Variants in RPH3AL observed in about 807,000 individuals in gnomAD.
The protein encoded by RPH3AL is rabphilin 3A like (without C2 domains).
In RPH3AL, 38 loss-of-function variants were observed where a neutral mutation model predicts 43.1. The observed-to-expected ratio is 0.88, with a 90% confidence interval of 0.68 to 1.15. The LOEUF is 1.15. RPH3AL is among the 50% of genes most tolerant of loss of function. The pLI is 0.00. For missense variants in RPH3AL, 462 were observed against 423.2 expected, an observed-to-expected ratio of 1.09 and a Z score of -0.81; for synonymous variants, 189 against 176.3, an observed-to-expected ratio of 1.07 and a Z score of -0.57.
chr17:347,983 T>C (rs1269204579), intron 1 of RPH3AL, among the ~76,000 whole-genome samples: 3 of 140,406 alleles, frequency 2.1e-5, no homozygotes, highest in South Asian at 2.2e-4. Flanking sequence ...CTGAGCAAAA[T>C]AGTGAAATCC....
intron 9 of RPH3AL, among the ~76,000 whole-genome samples, chr17:214,215 C>T (rs1006570489): frequency 6.6e-6 from 1 of 152,196 alleles, no homozygotes; most frequent in African/African-American, 2.4e-5. Context: ...AGAGAACACC[C>T]TCCTTTAAGC....
chr17:319,275 C>A (rs2044390351), intron 5 of RPH3AL, 145 bp downstream of exon 5: 3 of 1,008,184 alleles, frequency 3.0e-6, no homozygotes, highest in African/African-American at 3.3e-5. Context: ...GTTTTTAAGT[C>A]TTAGTGCTTC....
At chr17:348,718 C>T (rs1354194533) in intron 1 of RPH3AL, among the ~76,000 whole-genome samples, 1 of 152,102 alleles carries the variant, frequency 6.6e-6, no homozygotes, top group African/African-American at 2.4e-5. Flanking sequence ...ATCACAGGCG[C>T]CCATCATCCC....
rs976336706 is a variant in RPH3AL at position 283,248 on chromosome 17, G to C, written c.352-1394C>G. On this transcript the variant is annotated intron_variant, in intron 5 of 9. Transcript: ENST00000331302. This position sits in a 1 kb window ranked among gnomAD's most constrained non-coding sequence, Gnocchi z 4.2. ...CTCAGCAAGGAGCACGTCTCTCCAT[G>C]GAGAGGGAAAATGTCACCAACTTGG... 2.1e-4 allele frequency among the ~76,000 whole-genome samples: 32 copies of C among 152,302 alleles called. No homozygotes were observed. Among genetic ancestry groups the C allele is most frequent in the African/African-American group, 7.7e-4 (32 of 41,564 alleles).
rs1304543160 is a variant in RPH3AL at position 290,627 on chromosome 17, T to C, written c.352-8773A>G. On this transcript the variant is annotated intron_variant, in intron 5 of 9. Transcript: ENST00000331302. The surrounding 1 kb of genome is among the most constrained non-coding windows in gnomAD (Gnocchi z 4.2). ...CCAAGAGTCACAATGCGACAGAAGG[T>C]TCTGCTGGGCCACTCCAAAGTTCAG... 6.6e-6 allele frequency among the ~76,000 whole-genome samples: 1 copy of C among 151,840 alleles called. No homozygotes were observed. Among genetic ancestry groups the C allele is most frequent in the East Asian group, 1.9e-4 (1 of 5,172 alleles).
chr17:273,296 G>T lies in RPH3AL; in HGVS notation c.438+8472C>A, dbSNP rs75710834. Reference sequence around the variant, plus strand: ...AGGGAGAGACCCCAGCGAGGGTGACGTCAGGGAGAGACCCCAGCGAGGGTG... The same window carrying T: ...AGGGAGAGACCCCAGCGAGGGTGACTTCAGGGAGAGACCCCAGCGAGGGTG... On this transcript the variant is annotated intron_variant, in intron 6 of 9. Transcript: ENST00000331302. Among the ~76,000 whole-genome samples, 75 of 49,556 alleles carry T rather than the reference G, an allele frequency of 1.5e-3. 4 individuals carry two copies. The highest frequency in any genetic ancestry group is 2.3e-3 in the African/African-American group (39 of 17,140). The allele number at this position is 49,556 out of a possible 152,430, so 32.5% of individuals were successfully genotyped here.
At chr17:295,398 TGCAGAAA>T (rs1468157200) in intron 5 of RPH3AL, among the ~76,000 whole-genome samples, 43 of 106,060 alleles carry the variant, frequency 4.1e-4, no homozygotes, top group Non-Finnish European at 6.2e-4. Context: ...ACAGAGGAGC[TGCAGAAA>T]TGGATGGACA....
rs369696670 is a variant in RPH3AL at position 235,482 on chromosome 17, G to A, written c.613+11629C>T. On this transcript the variant is annotated intron_variant, in intron 7 of 9. Transcript: ENST00000331302. ...CAAAGCTGGGGTCGGCCGAGGCTCT[G>A]CACTAACAAGACGGATCCAGGGTTC... Among the ~76,000 whole-genome samples the A allele has an allele frequency of 1.3e-3, 113 of 86,038 alleles. 3 individuals are homozygous for A. The highest frequency in any genetic ancestry group is 2.0e-3 in the African/African-American group (45 of 22,138). The allele number at this position is 86,038 out of a possible 152,430, so 56.4% of individuals were successfully genotyped here.
chr17:224,593 G>A (rs35698541), intron 7 of RPH3AL, among the ~76,000 whole-genome samples: 1 of 152,112 alleles, frequency 6.6e-6, no homozygotes, highest in Non-Finnish European at 1.5e-5. Context: ...TTGAGGGCAG[G>A]GACCAAATTG....
chr17:244,637 A>C (rs1170354182), intron 7 of RPH3AL, among the ~76,000 whole-genome samples: 1 of 152,184 alleles, frequency 6.6e-6, no homozygotes. Context: ...TGGTTTTCAC[A>C]GCCTCCGAGT....
At chr17:221,576 CACATCAGCTCTGAGGCCTCCACTCG>C (rs2040976627) in intron 7 of RPH3AL, among the ~76,000 whole-genome samples, 1 of 115,462 alleles carries the variant, frequency 8.7e-6, no homozygotes, top group Non-Finnish European at 1.7e-5. Flanking sequence ...TAGACCCAAG[CACATCAGCTCTGAGGCCTCCACTCG>C]GTGAGACAAT....
At chr17:221,366 G>C (rs564302477) in intron 7 of RPH3AL, among the ~76,000 whole-genome samples, 17 of 141,252 alleles carry the variant, frequency 1.2e-4, no homozygotes, top group African/African-American at 4.8e-4. Context: ...CAGCTCTGAG[G>C]GCTCCACTCA....
chr17:258,616 G>A (rs1234002089), intron 6 of RPH3AL, among the ~76,000 whole-genome samples: 1 of 152,054 alleles, frequency 6.6e-6, no homozygotes, highest in African/African-American at 2.4e-5. Context: ...CTTGCCTCCT[G>A]CTGCAAAAAT....
At chr17:304,673 A>G (rs1265818602) in intron 5 of RPH3AL, among the ~76,000 whole-genome samples, 1 of 152,074 alleles carries the variant, frequency 6.6e-6, no homozygotes, top group East Asian at 1.9e-4. Flanking sequence ...AGGAGAACCA[A>G]TGAGCCTGGC....
intron 7 of RPH3AL, among the ~76,000 whole-genome samples, chr17:222,840 A>G (rs1006797929): frequency 6.6e-6 from 1 of 152,168 alleles, no homozygotes; most frequent in Non-Finnish European, 1.5e-5. Context: ...TGGTTTCCAC[A>G]GTTGTCCTGC....
intron 7 of RPH3AL, among the ~76,000 whole-genome samples, chr17:224,922 C>T (rs2041071691): frequency 1.5e-5 from 2 of 134,916 alleles, no homozygotes; most frequent in South Asian, 2.4e-4. Flanking sequence ...AATGAGAACA[C>T]TTGGACACAG....
At chr17:281,486 G>A (rs1474240986) in intron 6 of RPH3AL, among the ~76,000 whole-genome samples, 1 of 151,690 alleles carries the variant, frequency 6.6e-6, no homozygotes, top group Non-Finnish European at 1.5e-5. Context: ...ACAGTGCGAG[G>A]GGCTTCCCAC....
intron 6 of RPH3AL, among the ~76,000 whole-genome samples, chr17:263,960 TGGGTCCAGCAGGAAACAAGGGCCTGA>T (rs1386449378): frequency 6.6e-6 from 1 of 152,094 alleles, no homozygotes; most frequent in Non-Finnish European, 1.5e-5. Context: ...CAGGCAGAGC[TGGGTCCAGCAGGAAACAAGGGCCTGA>T]GGGTATCGTG....
rs1567604413 is a variant in RPH3AL at position 272,979 on chromosome 17, A to AGGGCGACATCAGGGAGAGACCCCAGCG, written c.438+8788_438+8789insCGCTGGGGTCTCTCCCTGATGTCGCCC. ...GGCTACGTCAGGGTGAGACCCCAGC[A>AGGGCGACATCAGGGAGAGACCCCAGCG]AGGGCTACGTCAGGGTGAGACCCCA... On this transcript the variant is annotated intron_variant, in intron 6 of 9. Coordinates refer to ENST00000331302, the MANE Select transcript of RPH3AL (RefSeq NM_006987.4). Among the ~76,000 whole-genome samples the AGGGCGACATCAGGGAGAGACCCCAGCG allele has an allele frequency of 9.4e-5, 4 of 42,652 alleles. 1 individual carries two copies. The highest frequency in any genetic ancestry group is 3.1e-4 in the African/African-American group (4 of 12,928). 28.0% of individuals were successfully genotyped at this position (42,652 alleles called of 152,430 possible). A position where few individuals can be genotyped will look rare whatever the true frequency, so the allele number is the denominator to read the frequency against.
Sources: allele counts gnomAD v4.1 joint callset (sites outside exome capture counted in the v4.1 genomes callset), GRCh38; gene constraint gnomAD v4.1.1; non-coding constraint Gnocchi (gnomAD v3.1); transcripts MANE v1.5; gene names NCBI Gene and HGNC (gene_info 2026-07-23, HGNC 2026-07-21).